The following CNTN4 variants were observed in gnomAD, a reference collection of about 807,000 sequenced individuals.
CNTN4 encodes the protein contactin-4.
A neutral mutation model predicts 122.5 loss-of-function variants in CNTN4; 77 were observed. The ratio of observed to expected loss-of-function variants is 0.63; its 90% CI spans 0.52 to 0.76. The LOEUF (loss-of-function observed/expected upper bound fraction) is 0.76. Among genes scored for constraint, CNTN4 ranks in the 30% least tolerant of loss-of-function variants. The pLI, the probability that CNTN4 is intolerant of heterozygous loss-of-function variation, is 0.00. For synonymous variants in CNTN4, 512 were observed against 447.0 expected (o/e 1.15, Z -1.83); for missense variants, 1,256 against 1,259.1 (o/e 1.00, Z 0.04).
intron 23 of CNTN4, among the ~76,000 whole-genome samples, chr3:3,043,948 C>G (rs1212930591): frequency 6.6e-6 from 1 of 152,120 alleles, no homozygotes; most frequent in East Asian, 1.9e-4. Context: ...GATAAAGACC[C>G]TGTGTTTGGG....
chr3:2,381,143 C>T (rs951634977), intron 3 of CNTN4, among the ~76,000 whole-genome samples: 3 of 151,868 alleles, frequency 2.0e-5, no homozygotes, highest in Admixed American at 6.6e-5. Context: ...GTAGCTGGGA[C>T]TACAGGCGCC....
chr3:2,714,062 G>A (rs2087324768), intron 4 of CNTN4, among the ~76,000 whole-genome samples: 2 of 152,230 alleles, frequency 1.3e-5, no homozygotes, highest in Non-Finnish European at 2.9e-5. Context: ...TACAGAACTA[G>A]TAATAATAAT....
chr3:3,001,180 A>T (rs1489492036), intron 14 of CNTN4, among the ~76,000 whole-genome samples: 1 of 152,186 alleles, frequency 6.6e-6, no homozygotes, highest in East Asian at 1.9e-4. Flanking sequence ...TGGCTCAGGG[A>T]CATAGCAATA....
intron 4 of CNTN4, among the ~76,000 whole-genome samples, chr3:2,648,311 T>C (rs1316459274): frequency 2.6e-5 from 4 of 152,216 alleles, no homozygotes; most frequent in African/African-American, 9.6e-5. Flanking sequence ...TTATTGCACT[T>C]CACAGATTTT....
intron 6 of CNTN4, among the ~76,000 whole-genome samples, chr3:2,786,722 G>A (rs1391053580): frequency 6.6e-6 from 1 of 152,150 alleles, no homozygotes; most frequent in African/African-American, 2.4e-5. Flanking sequence ...GGAGCCAAGA[G>A]TGGCTCAGCT....
chr3:2,631,628 AG>A (rs976229113), intron 4 of CNTN4, among the ~76,000 whole-genome samples: 7 of 147,294 alleles, frequency 4.8e-5, no homozygotes, highest in African/African-American at 1.8e-4. Flanking sequence ...ATAATTTTAA[AG>A]TTTTTTTTTT....
intron 2 of CNTN4, among the ~76,000 whole-genome samples, chr3:2,259,648 A>G (rs541904831): frequency 5.3e-5 from 8 of 152,208 alleles, no homozygotes; most frequent in South Asian, 2.1e-4. Flanking sequence ...TTATAAAACC[A>G]TCAGATCTCA....
chr3:2,382,112 T>G (rs1021655877), intron 3 of CNTN4, among the ~76,000 whole-genome samples: 1 of 151,974 alleles, frequency 6.6e-6, no homozygotes, highest in Non-Finnish European at 1.5e-5. Context: ...CAGCTTTATA[T>G]AAAAAACATG....
intron 6 of CNTN4, among the ~76,000 whole-genome samples, chr3:2,812,976 C>T (rs758010821): frequency 6.6e-6 from 1 of 152,162 alleles, no homozygotes; most frequent in African/African-American, 2.4e-5. Context: ...CAGGGAAGTC[C>T]AGTCTTCCTT....
intron 2 of CNTN4, among the ~76,000 whole-genome samples, chr3:2,216,466 T>G (rs2038845914): frequency 6.6e-6 from 1 of 152,058 alleles, no homozygotes; most frequent in Non-Finnish European, 1.5e-5. Context: ...TGAAATAATC[T>G]CTACAACAAA....
chr3:2,208,014 T>C (rs952409540), intron 2 of CNTN4, among the ~76,000 whole-genome samples: 2 of 152,148 alleles, frequency 1.3e-5, no homozygotes, highest in African/African-American at 4.8e-5. Flanking sequence ...ATAGACAAGA[T>C]TGATATTATC....
Position 2,673,498 on chromosome 3 carries a change from C to G in CNTN4, c.56-62717C>G, listed in dbSNP as rs569700513. Among the ~76,000 whole-genome samples the G allele has an allele frequency of 6.8e-4, 104 of 152,226 alleles. 1 individual carries two copies. The highest frequency in any genetic ancestry group is 1.8e-3 in the African/African-American group (75 of 41,536). ...GGCTGGGCTTGTGACCTGCTTTGAT[C>G]AGTAGAATGTGGCAGAAGTGATACT... is the stretch of plus-strand genomic sequence containing the variant. On this transcript the variant is annotated intron_variant, in intron 4 of 24. Coordinates refer to ENST00000418658, the MANE Select transcript of CNTN4 (RefSeq NM_175607.3).
intron 2 of CNTN4, among the ~76,000 whole-genome samples, chr3:2,286,206 GC>G (rs2041893208): frequency 7.7e-6 from 1 of 130,044 alleles, no homozygotes; most frequent in African/African-American, 2.7e-5. Flanking sequence ...CGGATCTCCT[GC>G]CGTGTGTGTG....
At chr3:2,618,652 A>G (rs1337347043) in intron 4 of CNTN4, among the ~76,000 whole-genome samples, 1 of 152,162 alleles carries the variant, frequency 6.6e-6, no homozygotes, top group Non-Finnish European at 1.5e-5. Context: ...TAACACAGAA[A>G]GTCAGGCTCT....
At chr3:2,286,050 C>T (rs1057077102) in intron 2 of CNTN4, among the ~76,000 whole-genome samples, 1 of 152,044 alleles carries the variant, frequency 6.6e-6, no homozygotes, top group Non-Finnish European at 1.5e-5. Flanking sequence ...ATTTATACAT[C>T]TATCATCCTC....
chr3:2,407,177 A>G (rs973672012), intron 3 of CNTN4, among the ~76,000 whole-genome samples: 3 of 152,158 alleles, frequency 2.0e-5, no homozygotes, highest in Admixed American at 2.0e-4. Context: ...GGCAGGAATA[A>G]ATGTTTGATT....
chr3:2,547,099 A>G (rs1349206566), intron 3 of CNTN4, among the ~76,000 whole-genome samples: 2 of 151,262 alleles, frequency 1.3e-5, no homozygotes, highest in Non-Finnish European at 3.0e-5. Context: ...GAGAAAGCTA[A>G]ACATTGGGAG....
At chr3:2,757,117 TC>T (rs1032451959) in intron 6 of CNTN4, among the ~76,000 whole-genome samples, 7 of 152,208 alleles carry the variant, frequency 4.6e-5, no homozygotes, top group Admixed American at 1.3e-4. Context: ...TGTAGGATTA[TC>T]TGTGCAAGTT....
chr3:2,714,541 A>G (rs944539113), intron 4 of CNTN4, among the ~76,000 whole-genome samples: 2 of 152,104 alleles, frequency 1.3e-5, no homozygotes, highest in East Asian at 3.9e-4. Flanking sequence ...CAGGCTGCCA[A>G]TGCCAAGGAA....
Sources: allele counts gnomAD v4.1 joint callset (sites outside exome capture counted in the v4.1 genomes callset), GRCh38; gene constraint gnomAD v4.1.1; transcripts MANE v1.5; gene names NCBI Gene and HGNC (gene_info 2026-07-23, HGNC 2026-07-21).